The following CSNK1E variants were observed in gnomAD, a reference collection of about 807,000 sequenced individuals.
CSNK1E encodes casein kinase 1 epsilon.
CSNK1E carries 17 observed loss-of-function variants against 46.1 expected under a neutral mutation model. The ratio of observed to expected loss-of-function variants is 0.37; its 90% CI spans 0.25 to 0.55. The LOEUF (loss-of-function observed/expected upper bound fraction) is 0.55. CSNK1E is among the 20% of genes least tolerant of loss of function. The probability of loss-of-function intolerance (pLI) is 0.82; values close to 1 mark genes in which losing one functional copy is unlikely to be tolerated. For synonymous variants in CSNK1E, 241 were observed against 242.6 expected, an observed-to-expected ratio of 0.99 and a Z score of 0.06; for missense variants, 386 against 595.4, an observed-to-expected ratio of 0.65 and a Z score of 3.66.
upstream of CSNK1E, chr22:38,317,985 C>T (rs1292849304): frequency 6.6e-6 from 1 of 152,230 alleles, no homozygotes; most frequent in Non-Finnish European, 1.5e-5. Flanking sequence ...TGGGCTCATA[C>T]ATTCTCCTCC....
chr22:38,311,364 T>A (rs1013438449), intron 2 of CSNK1E, among the ~76,000 whole-genome samples: 1 of 152,206 alleles, frequency 6.6e-6, no homozygotes, highest in Admixed American at 6.5e-5. Context: ...ACTTAGTTTT[T>A]AAAATGAATG....
Position 38,300,595 on chromosome 22 carries a change from G to A in CSNK1E, c.565+129C>T, listed in dbSNP as rs1264556552. 17 of 854,372 alleles carry A rather than the reference G, an allele frequency of 2.0e-5. No homozygotes were observed. The highest frequency in any genetic ancestry group is 3.5e-4 in the Middle Eastern group (1 of 2,858). The allele number at this position is 854,372 out of a possible 1,614,324, so 52.9% of individuals were successfully genotyped here. On this transcript the variant is annotated intron_variant, in intron 5 of 10. Transcript: ENST00000396832. This position sits in a 1 kb window ranked among gnomAD's most constrained non-coding sequence, Gnocchi z 4.4. The stretch of plus-strand genomic sequence containing the variant: ...AATAAGCACGAGCTTGGGGGCAGAC[G>A]GGGTGGGGACTTTCTCACTAGAAAA...
intron 2 of CSNK1E, among the ~76,000 whole-genome samples, chr22:38,305,616 A>C (rs1463248835): frequency 6.6e-6 from 1 of 152,234 alleles, no homozygotes; most frequent in Non-Finnish European, 1.5e-5. Flanking sequence ...AATAGGCCAA[A>C]GGATTTGAAA....
intron 1 of CSNK1E, among the ~76,000 whole-genome samples, chr22:38,314,657 C>T (rs543039339): frequency 9.3e-4 from 141 of 152,306 alleles, no homozygotes; most frequent in East Asian, 9.6e-4. Flanking sequence ...CCCATCTCTA[C>T]GTCATGACAC....
chr22:38,293,204 G>A (rs2092620633), intron 10 of CSNK1E, 51 bp downstream of exon 10: 1 of 1,446,054 alleles, frequency 6.9e-7, no homozygotes, highest in South Asian at 1.1e-5. Context: ...GGGGCCCTGG[G>A]AGCTTCTAGG....
rs1407132403 is a variant in CSNK1E, at chr22:38,298,124, C to T, written c.885+662G>A. 7.8e-7 allele frequency: 1 copy of T among 1,286,064 alleles called. No individual in the cohort carries two copies. The highest frequency in any genetic ancestry group is 1.0e-6 in the Non-Finnish European group (1 of 979,674). 79.7% of individuals were successfully genotyped at this position (1,286,064 alleles called of 1,614,324 possible). On this transcript the variant is annotated intron_variant, in intron 7 of 10. Transcript: ENST00000396832. This position sits in a 1 kb window ranked among gnomAD's most constrained non-coding sequence, Gnocchi z 4.2. ...CGTGGGTGAGTACGTGGGCCCAGCACAGGGACAGGGGCGGGGACAGAAAGG... is the reference window on the plus strand; with the variant it reads ...CGTGGGTGAGTACGTGGGCCCAGCATAGGGACAGGGGCGGGGACAGAAAGG...
intron 2 of CSNK1E, among the ~76,000 whole-genome samples, chr22:38,308,638 T>A (rs914825676): frequency 1.3e-5 from 2 of 152,042 alleles, no homozygotes; most frequent in South Asian, 4.2e-4. Flanking sequence ...CAATGCTCCA[T>A]GATGTTCGGC....
In CSNK1E at chr22:38,298,047, G is replaced by A; in HGVS notation, c.885+739C>T. ...TGAGGCTCAGCCTCTTGCGCTCACTGGTCAAGTGGCAAATTTTGGAAAAGC... is the reference window on the plus strand; with the variant it reads ...TGAGGCTCAGCCTCTTGCGCTCACTAGTCAAGTGGCAAATTTTGGAAAAGC... On this transcript the variant is annotated intron_variant, in intron 7 of 10. Transcript: ENST00000396832. This position sits in a 1 kb window ranked among gnomAD's most constrained non-coding sequence, Gnocchi z 4.2. 1 of 1,174,794 alleles carries A rather than the reference G, an allele frequency of 8.5e-7. No homozygotes were observed. Among genetic ancestry groups the A allele is most frequent in the Non-Finnish European group, 1.1e-6 (1 of 924,786 alleles). The allele number at this position is 1,174,794 out of a possible 1,614,324, so 72.8% of individuals were successfully genotyped here.
chr22:38,298,990 C>T lies in CSNK1E; in HGVS notation c.737-56G>A. On this transcript the variant is annotated intron_variant, in intron 6 of 10. Coordinates refer to ENST00000396832, the MANE Select transcript of CSNK1E (RefSeq NM_152221.3). This position sits in a 1 kb window ranked among gnomAD's most constrained non-coding sequence, Gnocchi z 4.2. ...CACTGTGAGGCCCACGCTCCCAGAC[C>T]CCCTGCAGCCAGCACTGTCCTAGCC... is the stretch of plus-strand genomic sequence containing the variant. 5 of 1,601,448 alleles carry T rather than the reference C, an allele frequency of 3.1e-6. No individual in the cohort carries two copies. The South Asian group carries it at 4.4e-5, about 14-fold the overall frequency.
chr22:38,298,836 G>A lies in CSNK1E; in HGVS notation c.835C>T (p.Arg279Trp). The change falls in exon 7 of 11, where the codon CGG (arginine) becomes TGG (tryptophan). Residue 279 changes from arginine (R) to tryptophan (W), a missense_variant. Arg to Trp is a moderately radical substitution (Grantham distance 101, BLOSUM62 -3). This residue lies in a region of CSNK1E where 212 missense variants were observed against 410.2 expected (regional missense o/e 0.52). Transcript: ENST00000396832. The surrounding 1 kb of genome is among the most constrained non-coding windows in gnomAD (Gnocchi z 4.2). ...LRQLFRNLFH[R>W]QGFSYDYVFD... is the part of the protein sequence containing the mutation. Reference sequence around the variant, plus strand: ...ACGTAGTCATAGGAGAAGCCCTGCCGGTGGAAGAGGTTGCGGAAGAGCTGA... The same window carrying A: ...ACGTAGTCATAGGAGAAGCCCTGCCAGTGGAAGAGGTTGCGGAAGAGCTGA... 6.2e-7 allele frequency: 1 copy of A among 1,614,200 alleles called. No individual in the cohort carries two copies. Among genetic ancestry groups the A allele is most frequent in the Non-Finnish European group, 8.5e-7 (1 of 1,180,032 alleles).
At chr22:38,299,827 G>T in intron 6 of CSNK1E, 68 bp downstream of exon 6, 2 of 1,555,478 alleles carry the variant, frequency 1.3e-6, no homozygotes, top group Non-Finnish European at 8.8e-7. Flanking sequence ...GCTTTGTATG[G>T]CCTCACCTTT....
chr22:38,295,469 G>C lies in CSNK1E; in HGVS notation c.886-935C>G, dbSNP rs981909066. 3.4e-6 allele frequency: 3 copies of C among 878,894 alleles called. No homozygotes were observed. The African/African-American group carries it at 5.4e-5, about 16-fold the overall frequency. 54.4% of individuals were successfully genotyped at this position (878,894 alleles called of 1,614,324 possible). On this transcript the variant is annotated intron_variant, in intron 7 of 10. Transcript: ENST00000396832. ...GCATCTGTGGAGGAGAGAGCTCTGG[G>C]CTGAGTTGGGGGCCTGCTCATGGGC...
At chr22:38,302,626 G>A (rs573918171) in intron 4 of CSNK1E, among the ~76,000 whole-genome samples, 6 of 152,316 alleles carry the variant, frequency 3.9e-5, no homozygotes, top group South Asian at 2.1e-4. Context: ...CAGGAGAATC[G>A]CGTGAACCTG....
At chr22:38,316,649 C>A (rs913200325) in intron 1 of CSNK1E, 1 of 152,368 alleles carries the variant, frequency 6.6e-6, no homozygotes, top group South Asian at 2.1e-4. Context: ...GGCCTGGTGA[C>A]CACACACCTC....
intron 1 of CSNK1E, among the ~76,000 whole-genome samples, chr22:38,316,105 AG>A (rs60327507): frequency 0.067 from 10,113 of 151,100 alleles, 1,123 homozygotes; most frequent in African/African-American, 0.23. Flanking sequence ...CCCATGGGGG[AG>A]GGGGGGAGAT....
In CSNK1E at chr22:38,309,557, C is replaced by T. The variant is rs1480280980; in HGVS notation, c.76+4525G>A. Among the ~76,000 whole-genome samples the T allele has an allele frequency of 6.6e-6, 1 of 151,948 alleles. No individual in the cohort carries two copies. The highest frequency in any genetic ancestry group is 1.5e-5 in the Non-Finnish European group (1 of 67,994). Reference sequence around the variant, plus strand: ...GCAACTTCTGCCTCCCGGGTTCAAGCGATTCTCATGCCTCAGCCTCCCGAG... The same window carrying T: ...GCAACTTCTGCCTCCCGGGTTCAAGTGATTCTCATGCCTCAGCCTCCCGAG... On this transcript the variant is annotated intron_variant, in intron 2 of 10. Coordinates refer to ENST00000396832, the MANE Select transcript of CSNK1E (RefSeq NM_152221.3). This position sits in a 1 kb window ranked among gnomAD's most constrained non-coding sequence, Gnocchi z 4.8.
At position 38,309,416 on chromosome 22, in the gene CSNK1E, C is replaced by T. The variant is rs1433316954; in HGVS notation, c.76+4666G>A. On this transcript the variant is annotated intron_variant, in intron 2 of 10. Coordinates refer to ENST00000396832, the MANE Select transcript of CSNK1E (RefSeq NM_152221.3). This position sits in a 1 kb window ranked among gnomAD's most constrained non-coding sequence, Gnocchi z 4.8. Reference sequence around the variant, plus strand: ...GTGGTAGACAGGGCCCTCTTCCCCTCGAGCCCTTACTCCACTCTTCGAGTA... The same window carrying T: ...GTGGTAGACAGGGCCCTCTTCCCCTTGAGCCCTTACTCCACTCTTCGAGTA... Among the ~76,000 whole-genome samples, 3 of 151,834 alleles carry T rather than the reference C, an allele frequency of 2.0e-5. No homozygotes were observed. The highest frequency in any genetic ancestry group is 4.8e-5 in the African/African-American group (2 of 41,342).
intron 2 of CSNK1E, among the ~76,000 whole-genome samples, chr22:38,312,395 C>T (rs568486660): frequency 3.7e-4 from 57 of 152,290 alleles, no homozygotes; most frequent in African/African-American, 1.3e-3. Flanking sequence ...CTGGCCATCC[C>T]GGCATTTTTC....
At position 38,300,582 on chromosome 22, in the gene CSNK1E, C is replaced by T; in HGVS notation, c.565+142G>A. The T allele has an allele frequency of 1.3e-6, 1 of 784,826 alleles. No individual in the cohort carries two copies. Among genetic ancestry groups the T allele is most frequent in the Non-Finnish European group, 2.0e-6 (1 of 490,592 alleles). 48.6% of individuals were successfully genotyped at this position (784,826 alleles called of 1,614,324 possible). On this transcript the variant is annotated intron_variant, in intron 5 of 10. Coordinates refer to ENST00000396832, the MANE Select transcript of CSNK1E (RefSeq NM_152221.3). This position sits in a 1 kb window ranked among gnomAD's most constrained non-coding sequence, Gnocchi z 4.4. Reference sequence around the variant, plus strand: ...TGCAAGGACACGGAATAAGCACGAGCTTGGGGGCAGACGGGGTGGGGACTT... The same window carrying T: ...TGCAAGGACACGGAATAAGCACGAGTTTGGGGGCAGACGGGGTGGGGACTT...
Sources: allele counts gnomAD v4.1 joint callset (sites outside exome capture counted in the v4.1 genomes callset), GRCh38; gene constraint gnomAD v4.1.1; regional missense constraint gnomAD v4.1.1; non-coding constraint Gnocchi (gnomAD v3.1); transcripts MANE v1.5; gene names NCBI Gene and HGNC (gene_info 2026-07-23, HGNC 2026-07-21).